The following HYDIN variants were observed in gnomAD, a reference collection of about 807,000 sequenced individuals.
HYDIN encodes HYDIN axonemal central pair apparatus protein, also known as axonemal central pair apparatus protein HYDIN.
In HYDIN, 132 loss-of-function variants were observed where a neutral mutation model predicts 403.9. The ratio of observed to expected loss-of-function variants is 0.33; its 90% CI spans 0.28 to 0.38. The LOEUF (loss-of-function observed/expected upper bound fraction) is 0.38. Ranked by LOEUF, HYDIN falls within the 10% of genes least tolerant of loss-of-function variation. The pLI is 1.00. For synonymous variants in HYDIN, 1,202 were observed against 1,891.7 expected (o/e 0.64, Z 9.46); for missense variants, 2,827 against 5,009.5 (o/e 0.56, Z 13.15).
At chr16:71,126,710 G>A (rs913374779) in intron 9 of HYDIN, among the ~76,000 whole-genome samples, 14 of 152,126 alleles carry the variant, frequency 9.2e-5, no homozygotes, top group African/African-American at 2.2e-4. Context: ...CAGGAAGAAC[G>A]GAATTGCCTC....
intron 7 of HYDIN, among the ~76,000 whole-genome samples, chr16:71,145,937 C>G (rs1404014866): frequency 1.3e-5 from 2 of 152,172 alleles, no homozygotes; most frequent in African/African-American, 4.8e-5. Context: ...AGTCGTCACT[C>G]AAGTTTTGAT....
chr16:71,177,676 T>A (rs2086725893), intron 4 of HYDIN, among the ~76,000 whole-genome samples: 1 of 152,214 alleles, frequency 6.6e-6, no homozygotes, highest in South Asian at 2.1e-4. Flanking sequence ...ATAGCTAGAA[T>A]TTTTTGTCTC....
intron 15 of HYDIN, chr16:71,066,841 G>GC (rs1177352986): frequency 2.1e-6 from 1 of 474,490 alleles, no homozygotes; most frequent in Non-Finnish European, 4.2e-6. Context: ...TCAAGTCACA[G>GC]CAACAGTGTC....
chr16:71,077,364 T>C (rs917716336), intron 13 of HYDIN, among the ~76,000 whole-genome samples: 9 of 151,868 alleles, frequency 5.9e-5, no homozygotes, highest in African/African-American at 2.2e-4. Flanking sequence ...TATTTTATAG[T>C]TTTATATTCT....
intron 18 of HYDIN, among the ~76,000 whole-genome samples, chr16:71,059,618 G>A (rs993293250): frequency 5.3e-5 from 8 of 151,940 alleles, no homozygotes; most frequent in African/African-American, 1.9e-4. Context: ...AAGAGACACT[G>A]GGGCCTACTT....
intron 15 of HYDIN, chr16:71,067,009 G>A (rs1295894455): frequency 9.1e-6 from 6 of 661,238 alleles, no homozygotes; most frequent in Non-Finnish European, 1.4e-5. Flanking sequence ...TACATACTTT[G>A]AAAGTCAAAC....
chr16:70,882,709 C>T lies in HYDIN; in HGVS notation c.10166G>A (p.Gly3389Glu), dbSNP rs2040884901. 1 of 1,441,874 alleles carries T rather than the reference C, an allele frequency of 6.9e-7. No individual in the cohort carries two copies. Among genetic ancestry groups the T allele is most frequent in the Non-Finnish European group, 9.7e-7 (1 of 1,026,094 alleles). The allele number at this position is 1,441,874 out of a possible 1,614,324, so 89.3% of individuals were successfully genotyped here. Residue 3389 changes from glycine (G) to glutamate (E), a missense_variant, in exon 60 of 86, where the codon GGA (glycine) becomes GAA (glutamate). By Grantham distance (98) the Gly-to-Glu change is moderately conservative (BLOSUM62 -2). Transcript: ENST00000393567. Reference sequence around the variant, plus strand: ...AATGTTGACATCACAGGTGATCTTTCCCACGTTGCTGATCTTGAAACGAGC... The same window carrying T: ...AATGTTGACATCACAGGTGATCTTTTCCACGTTGCTGATCTTGAAACGAGC... ...AKARFKISNV[G>E]KITCDVNIVV...
At chr16:71,179,457 C>T (rs1281039690) in intron 3 of HYDIN, among the ~76,000 whole-genome samples, 1 of 152,046 alleles carries the variant, frequency 6.6e-6, no homozygotes, top group Non-Finnish European at 1.5e-5. Context: ...ATGTTGTCAC[C>T]AACTTCTAAA....
chr16:71,193,118 A>C (rs1432453102), intron 1 of HYDIN, among the ~76,000 whole-genome samples: 1 of 152,212 alleles, frequency 6.6e-6, no homozygotes, highest in East Asian at 1.9e-4. Context: ...ATTTGCTTAC[A>C]AGCCTGTTTC....
In HYDIN at chr16:70,938,624, G is replaced by A. The variant is rs762688293; in HGVS notation, c.6985C>T (p.Arg2329Trp). 132 of 1,597,086 alleles carry A rather than the reference G, an allele frequency of 8.3e-5. No homozygotes were observed. The highest frequency in any genetic ancestry group is 1.2e-4 in the South Asian group (11 of 90,848). ...GCCCTTGGCCCTGACCTCTTCTTCC[G>A]CTCGCGGAGCGCCTGCTGAATCCCC... ...DRGIQQALRE[R>W]KKREQERLAK... The change falls in exon 44 of 86, where the codon CGG becomes TGG. Residue 2329 changes from arginine to tryptophan, a missense_variant. By Grantham distance (101) the Arg-to-Trp change is moderately radical. Transcript: ENST00000393567.
chr16:70,934,649 G>A (rs1335739186), intron 45 of HYDIN, among the ~76,000 whole-genome samples: 3 of 151,432 alleles, frequency 2.0e-5, no homozygotes, highest in African/African-American at 7.3e-5. Context: ...ATTGTGTTTT[G>A]TACTAAGCTC....
chr16:70,818,339 T>A lies in HYDIN; in HGVS notation c.14658+3A>T, dbSNP rs766388719. The A allele has an allele frequency of 6.2e-7, 1 of 1,610,692 alleles. No homozygotes were observed. The highest frequency in any genetic ancestry group is 8.5e-7 in the Non-Finnish European group (1 of 1,178,154). On this transcript the variant is annotated splice_donor_region_variant and intron_variant, in intron 84 of 85. Transcript: ENST00000393567. ...GGAGCCCCCGACAGCCAAGGGGCCGTACCTCGGAGTTGGCAGGCACCACAA... is the reference window on the plus strand; with the variant it reads ...GGAGCCCCCGACAGCCAAGGGGCCGAACCTCGGAGTTGGCAGGCACCACAA...
At chr16:70,957,473 C>T (rs2078280647) in intron 39 of HYDIN, among the ~76,000 whole-genome samples, 1 of 151,956 alleles carries the variant, frequency 6.6e-6, no homozygotes, top group Non-Finnish European at 1.5e-5. Flanking sequence ...ATTACAGGCG[C>T]CTGCTACCAC....
At chr16:70,946,041 T>C (rs1597386014) in intron 41 of HYDIN, among the ~76,000 whole-genome samples, 1 of 149,678 alleles carries the variant, frequency 6.7e-6, no homozygotes, top group African/African-American at 2.5e-5. Context: ...TAATACAGCA[T>C]GCATAGATGC....
chr16:71,134,728 C>T (rs1218475829), intron 8 of HYDIN, among the ~76,000 whole-genome samples: 1 of 152,152 alleles, frequency 6.6e-6, no homozygotes, highest in Non-Finnish European at 1.5e-5. Flanking sequence ...TACTTGCCTT[C>T]CTTTCCAAGA....
chr16:70,807,376 A>C lies in HYDIN; in HGVS notation c.*204T>G, dbSNP rs1596999633. ...AAGGATTCAGTTGTCTAAAATATAG[A>C]GCTGTTGTGTGTAGTTATAATGTTT... On this transcript the variant is annotated 3_prime_UTR_variant, in exon 86 of 86. Transcript: ENST00000393567. 1.8e-6 allele frequency: 1 copy of C among 561,110 alleles called. No homozygotes were observed. The highest frequency in any genetic ancestry group is 3.1e-5 in the East Asian group (1 of 32,720). The allele number at this position is 561,110 out of a possible 1,614,324, so 34.8% of individuals were successfully genotyped here.
chr16:70,877,581 A>T (rs1288912784), intron 62 of HYDIN, among the ~76,000 whole-genome samples: 1 of 152,200 alleles, frequency 6.6e-6, no homozygotes, highest in Non-Finnish European at 1.5e-5. Flanking sequence ...ATAATCAGGC[A>T]TTAGATTCTT....
chr16:70,859,864 T>C (rs539016454), intron 71 of HYDIN, among the ~76,000 whole-genome samples: 3 of 152,238 alleles, frequency 2.0e-5, no homozygotes, highest in East Asian at 1.9e-4. Context: ...TGCTTCTCCA[T>C]GGCTAGCCAA....
intron 84 of HYDIN, among the ~76,000 whole-genome samples, chr16:70,818,061 TAAGAAAAAAC>T (rs1212714364): frequency 2.6e-5 from 4 of 152,074 alleles, no homozygotes; most frequent in Admixed American, 1.3e-4. Context: ...CTTTTATAAT[TAAGAAAAAAC>T]AAGAAAAATA....
Sources: gnomAD v4.1 joint callset for allele counts (sites outside exome capture counted in the v4.1 genomes callset) on GRCh38, gnomAD v4.1.1 for gene constraint, MANE v1.5 for transcripts, NCBI Gene and HGNC (gene_info 2026-07-23, HGNC 2026-07-21) for gene names.